BCKDHB: variants seen among roughly 807,000 people sequenced by gnomAD.
BCKDHB encodes 2-oxoisovalerate dehydrogenase subunit beta, mitochondrial.
Under a neutral mutation model 48.5 loss-of-function variants are expected in BCKDHB, and 41 were observed. The observed-to-expected ratio is 0.85, with a 90% confidence interval of 0.66 to 1.10. The LOEUF (loss-of-function observed/expected upper bound fraction) is 1.10. BCKDHB is among the 50% of genes least tolerant of loss of function. The probability of loss-of-function intolerance (pLI) is 0.00; values close to 1 mark genes in which losing one functional copy is unlikely to be tolerated. For missense variants in BCKDHB, 496 were observed against 494.2 expected (o/e 1.00, Z -0.03); for synonymous variants, 201 against 174.8 (o/e 1.15, Z -1.18).
chr6:80,187,341 TCTC>T (rs1773689557), intron 6 of BCKDHB, among the ~76,000 whole-genome samples: 1 of 152,132 alleles, frequency 6.6e-6, no homozygotes, highest in African/African-American at 2.4e-5. Context: ...CATATAAAAA[TCTC>T]CTATGATTTA....
intron 1 of BCKDHB, among the ~76,000 whole-genome samples, chr6:80,122,554 A>T (rs1163963898): frequency 6.6e-6 from 1 of 152,220 alleles, no homozygotes; most frequent in Non-Finnish European, 1.5e-5. Context: ...GTGACATCCC[A>T]TATTGGTAGG....
chr6:80,313,414 G>T (rs534489949), intron 9 of BCKDHB, among the ~76,000 whole-genome samples: 1 of 152,266 alleles, frequency 6.6e-6, no homozygotes, highest in South Asian at 2.1e-4. Flanking sequence ...AGGCTGGAGT[G>T]CAGTGGCGCG....
the BCKDHB span, among the ~76,000 whole-genome samples, chr6:80,422,461 A>C: frequency 3.9e-5 from 6 of 152,144 alleles, no homozygotes; most frequent in African/African-American, 1.4e-4. Context: ...TGCCTAGTGG[A>C]GCTGTGAGAA....
chr6:80,220,365 CAAG>C (rs1775376467), intron 8 of BCKDHB, among the ~76,000 whole-genome samples: 3 of 25,758 alleles, frequency 1.2e-4, no homozygotes, highest in African/African-American at 2.2e-4. Flanking sequence ...ACATTTTTTT[CAAG>C]TTATGTTCTA....
Position 80,140,622 on chromosome 6 carries a change from A to G in BCKDHB, c.343+11393A>G, listed in dbSNP as rs1163882714. 1.1e-4 allele frequency among the ~76,000 whole-genome samples: 17 copies of G among 151,876 alleles called. No homozygotes were observed. In the South Asian group the frequency reaches 3.5e-3, roughly 31 times the overall value. On this transcript the variant is annotated intron_variant, in intron 3 of 9. Transcript: ENST00000320393. ...GGATTACATTTATTGATTTGCGTAT[A>G]TTGAACCAGCCTTGCATCCCAGGGA...
intron 8 of BCKDHB, among the ~76,000 whole-genome samples, chr6:80,260,735 G>A (rs994594353): frequency 1.3e-5 from 2 of 152,150 alleles, no homozygotes; most frequent in African/African-American, 4.8e-5. Context: ...TTTGCTAAAT[G>A]TAACTTTACA....
intron 3 of BCKDHB, among the ~76,000 whole-genome samples, chr6:80,143,294 G>C (rs1014978788): frequency 7.9e-5 from 12 of 152,254 alleles, no homozygotes; most frequent in African/African-American, 2.9e-4. Flanking sequence ...CAGGAAGTTT[G>C]AATCTAAATG....
At chr6:80,412,301 A>T in the BCKDHB span, among the ~76,000 whole-genome samples, 4 of 151,364 alleles carry the variant, frequency 2.6e-5, no homozygotes, top group East Asian at 7.8e-4. Context: ...GCACCACCAC[A>T]CCTGGCTAAT....
At chr6:80,310,839 C>T (rs918354956) in intron 9 of BCKDHB, among the ~76,000 whole-genome samples, 4 of 152,144 alleles carry the variant, frequency 2.6e-5, no homozygotes, top group African/African-American at 9.7e-5. Context: ...TTGCATTTCT[C>T]TAATGATAAC....
At chr6:80,445,993 C>T in the BCKDHB span, among the ~76,000 whole-genome samples, 1 of 152,230 alleles carries the variant, frequency 6.6e-6, no homozygotes, top group Admixed American at 6.5e-5. Context: ...GTTCAGGAAA[C>T]AGGGAGCAGT....
At chr6:80,155,153 T>C (rs1771982388) in intron 3 of BCKDHB, among the ~76,000 whole-genome samples, 1 of 152,132 alleles carries the variant, frequency 6.6e-6, no homozygotes, top group Non-Finnish European at 1.5e-5. Flanking sequence ...TAACATGCTT[T>C]TTATTTTATT....
chr6:80,423,695 T>C, the BCKDHB span, among the ~76,000 whole-genome samples: 1 of 152,204 alleles, frequency 6.6e-6, no homozygotes, highest in Non-Finnish European at 1.5e-5. Context: ...AGTCTTTTTC[T>C]TTATCCTTTC....
At chr6:80,352,253 C>G in the BCKDHB span, among the ~76,000 whole-genome samples, 1 of 151,860 alleles carries the variant, frequency 6.6e-6, no homozygotes, top group South Asian at 2.1e-4. Flanking sequence ...GCTGGGACTA[C>G]AGGTGTGAGC....
the BCKDHB span, among the ~76,000 whole-genome samples, chr6:80,370,818 ATGTG>A: frequency 1.7e-4 from 25 of 146,146 alleles, no homozygotes; most frequent in African/African-American, 3.7e-4. Context: ...GTATATATAT[ATGTG>A]TGTGTGTGTG....
intron 3 of BCKDHB, among the ~76,000 whole-genome samples, chr6:80,135,168 T>C (rs1234445154): frequency 6.6e-6 from 1 of 152,204 alleles, no homozygotes; most frequent in African/African-American, 2.4e-5. Context: ...TTCCATTATA[T>C]GTTCTTGTTG....
chr6:80,334,712 T>G (rs922069867), intron 9 of BCKDHB, among the ~76,000 whole-genome samples: 2 of 151,688 alleles, frequency 1.3e-5, no homozygotes, highest in African/African-American at 4.8e-5. Flanking sequence ...AAAAATAGAT[T>G]CCCCCCTCCC....
At chr6:80,119,106 A>C (rs898945898) in intron 1 of BCKDHB, among the ~76,000 whole-genome samples, 4 of 152,196 alleles carry the variant, frequency 2.6e-5, no homozygotes, top group African/African-American at 9.6e-5. Context: ...CCTGGGCAGC[A>C]TGTGAGACCT....
At chr6:80,312,831 C>T (rs984871062) in intron 9 of BCKDHB, among the ~76,000 whole-genome samples, 1 of 152,106 alleles carries the variant, frequency 6.6e-6, no homozygotes, top group Non-Finnish European at 1.5e-5. Context: ...ACTTGGTTTG[C>T]CAGCATTTTA....
At chr6:80,382,533 C>G in the BCKDHB span, among the ~76,000 whole-genome samples, 1 of 152,086 alleles carries the variant, frequency 6.6e-6, no homozygotes, top group Non-Finnish European at 1.5e-5. Context: ...TGCATTGGAC[C>G]TCCACAGATG....
Sources: allele counts gnomAD v4.1 joint callset (sites outside exome capture counted in the v4.1 genomes callset), GRCh38; gene constraint gnomAD v4.1.1; transcripts MANE v1.5; gene names NCBI Gene and HGNC (gene_info 2026-07-23, HGNC 2026-07-21).